Variants in RBFOX3 observed in about 807,000 individuals in gnomAD.
The protein encoded by RBFOX3 is RNA binding fox-1 homolog 3.
A neutral mutation model predicts 48.7 loss-of-function variants in RBFOX3; 17 were observed. The observed-to-expected ratio is 0.35, with a 90% CI of 0.24 to 0.52. The LOEUF (loss-of-function observed/expected upper bound fraction) is 0.52, where lower values mean the gene tolerates loss of function less well. Among genes scored for constraint, RBFOX3 ranks in the 20% least tolerant of loss-of-function variants. The pLI is 0.94. For synonymous variants in RBFOX3, 212 were observed against 209.5 expected (o/e 1.01, Z -0.10); for missense variants, 382 against 497.5 (o/e 0.77, Z 2.21).
intron 2 of RBFOX3, among the ~76,000 whole-genome samples, chr17:79,317,041 A>T (rs1283983800): frequency 1.3e-5 from 2 of 152,178 alleles, no homozygotes; most frequent in Non-Finnish European, 2.9e-5. Context: ...CATCCTTCAA[A>T]GAAAGGAGCT....
intron 4 of RBFOX3, among the ~76,000 whole-genome samples, chr17:79,165,529 C>G (rs961914221): frequency 2.6e-5 from 4 of 152,162 alleles, no homozygotes; most frequent in East Asian, 3.9e-4. Flanking sequence ...GTGCACATCC[C>G]GATTCCTCCA....
intron 4 of RBFOX3, among the ~76,000 whole-genome samples, chr17:79,189,990 C>T (rs1305792155): frequency 6.6e-6 from 1 of 152,268 alleles, no homozygotes; most frequent in Non-Finnish European, 1.5e-5. Flanking sequence ...ATATCACTCG[C>T]TGCTCCACGC....
intron 1 of RBFOX3, among the ~76,000 whole-genome samples, chr17:79,606,523 A>T (rs1217675224): frequency 6.6e-6 from 1 of 152,106 alleles, no homozygotes; most frequent in African/African-American, 2.4e-5. Context: ...AAATAAACTA[A>T]CAGACTTTAT....
At chr17:79,575,225 T>A (rs1201775801) in intron 1 of RBFOX3, among the ~76,000 whole-genome samples, 1 of 152,172 alleles carries the variant, frequency 6.6e-6, no homozygotes, top group Non-Finnish European at 1.5e-5. Flanking sequence ...ACAGCATGGA[T>A]GTCCTGCAGA....
In RBFOX3 at chr17:79,204,981, A is replaced by C. The variant is rs1174244278; in HGVS notation, c.-34+30785T>G. 6.6e-6 allele frequency among the ~76,000 whole-genome samples: 1 copy of C among 152,114 alleles called. No homozygotes were observed. Among genetic ancestry groups the C allele is most frequent in the Admixed American group, 6.5e-5 (1 of 15,272 alleles). Reference sequence around the variant, plus strand: ...TGCTTGGCTTATATAGCCAGGAAAAAATCAAGAGCTAGAGAGCAGAGAACT... The same window carrying C: ...TGCTTGGCTTATATAGCCAGGAAAACATCAAGAGCTAGAGAGCAGAGAACT... On this transcript the variant is annotated intron_variant, in intron 4 of 14. Transcript: ENST00000693108. This position sits in a 1 kb window ranked among gnomAD's most constrained non-coding sequence, Gnocchi z 4.5.
intron 2 of RBFOX3, among the ~76,000 whole-genome samples, chr17:79,379,919 C>T (rs1429422310): frequency 6.6e-6 from 1 of 152,178 alleles, no homozygotes; most frequent in Non-Finnish European, 1.5e-5. Flanking sequence ...TCCTGCAGCT[C>T]CTCCTGCCGC....
At chr17:79,427,743 C>T (rs1190627536) in intron 2 of RBFOX3, among the ~76,000 whole-genome samples, 1 of 152,286 alleles carries the variant, frequency 6.6e-6, no homozygotes, top group East Asian at 1.9e-4. Context: ...CACATCCATT[C>T]ACACCATCTG....
At chr17:79,615,872 T>C (rs1321332771), upstream of RBFOX3, among the ~76,000 whole-genome samples, 3 of 152,130 alleles carry the variant, frequency 2.0e-5, no homozygotes, top group Admixed American at 2.0e-4. Flanking sequence ...GAGGCTCTTG[T>C]AAAGCGTGGG....
chr17:79,161,147 T>C (rs2046898503), intron 4 of RBFOX3, among the ~76,000 whole-genome samples: 1 of 152,006 alleles, frequency 6.6e-6, no homozygotes, highest in Non-Finnish European at 1.5e-5. Flanking sequence ...AAACAAAGCC[T>C]GGTTATGGTG....
intron 2 of RBFOX3, among the ~76,000 whole-genome samples, chr17:79,323,775 G>A (rs1598262442): frequency 6.6e-6 from 1 of 152,272 alleles, no homozygotes; most frequent in African/African-American, 2.4e-5. Context: ...CCCGTGGCCG[G>A]TGGTGTGTGG....
the RBFOX3 span, among the ~76,000 whole-genome samples, chr17:79,621,917 C>A: frequency 6.6e-6 from 1 of 152,084 alleles, no homozygotes; most frequent in Non-Finnish European, 1.5e-5. Context: ...TAAGAGACAC[C>A]CGAATCCGGG....
At chr17:79,356,363 T>G (rs1598370003) in intron 2 of RBFOX3, among the ~76,000 whole-genome samples, 4 of 82,490 alleles carry the variant, frequency 4.8e-5, no homozygotes, top group African/African-American at 1.3e-4. Flanking sequence ...TTTTTTTTTT[T>G]TTTTTTTTTT....
chr17:79,512,591 GGTA>G, intron 1 of RBFOX3, among the ~76,000 whole-genome samples: 1 of 142,524 alleles, frequency 7.0e-6, no homozygotes, highest in Non-Finnish European at 1.5e-5. Flanking sequence ...GTTACCATCG[GGTA>G]CAGCCCCATG....
intron 3 of RBFOX3, among the ~76,000 whole-genome samples, chr17:79,302,058 A>C (rs1218150779): frequency 2.6e-5 from 4 of 152,190 alleles, no homozygotes; most frequent in Non-Finnish European, 4.4e-5. Flanking sequence ...TTGCACAACA[A>C]TGCAAATGCA....
In RBFOX3 at chr17:79,195,839, C is replaced by T. The variant is rs1383719376; in HGVS notation, c.-34+39927G>A. On this transcript the variant is annotated intron_variant, in intron 4 of 14. Transcript: ENST00000693108. The surrounding 1 kb of genome is among the most constrained non-coding windows in gnomAD (Gnocchi z 5.3). The stretch of plus-strand genomic sequence containing the variant: ...AGTGTCCTAGTGGCCAGCTCCCGTG[C>T]GGCTGCACTCGCTTGCATTTGGCTG... Among the ~76,000 whole-genome samples the T allele has an allele frequency of 6.6e-6, 1 of 152,228 alleles. No individual in the cohort carries two copies. The highest frequency in any genetic ancestry group is 1.5e-5 in the Non-Finnish European group (1 of 68,046).
chr17:79,109,022 A>G (rs2077986618), intron 5 of RBFOX3, among the ~76,000 whole-genome samples: 1 of 152,260 alleles, frequency 6.6e-6, no homozygotes, highest in Non-Finnish European at 1.5e-5. Flanking sequence ...TCACCTGGGC[A>G]TGCGCTGCAG....
intron 2 of RBFOX3, among the ~76,000 whole-genome samples, chr17:79,416,772 G>A (rs546420612): frequency 5.3e-5 from 8 of 152,350 alleles, no homozygotes; most frequent in African/African-American, 1.7e-4. Flanking sequence ...AGCGCAGCTG[G>A]CTGTTTTGTG....
At chr17:79,141,854 A>G (rs2707037) in intron 4 of RBFOX3, among the ~76,000 whole-genome samples, 117,282 of 152,160 alleles carry the variant, frequency 0.77, 48,340 homozygotes, top group Non-Finnish European at 0.93. Context: ...CGTTATCTAT[A>G]AGAACCCTGC....
At chr17:79,132,464 C>T (rs945377037) in intron 4 of RBFOX3, among the ~76,000 whole-genome samples, 2 of 152,190 alleles carry the variant, frequency 1.3e-5, no homozygotes, top group Admixed American at 6.5e-5. Context: ...CAGGTGCAGG[C>T]GCCACGGGGG....
Sources: gnomAD v4.1 joint callset for allele counts (sites outside exome capture counted in the v4.1 genomes callset) on GRCh38, gnomAD v4.1.1 for gene constraint, Gnocchi (gnomAD v3.1) non-coding constraint, MANE v1.5 for transcripts, NCBI Gene and HGNC (gene_info 2026-07-23, HGNC 2026-07-21) for gene names.